IKBKG: variants seen among roughly 807,000 people sequenced by gnomAD.
IKBKG encodes NF-kappa-B essential modulator.
IKBKG carries 2 observed loss-of-function variants against 13.7 expected under a neutral mutation model. The observed-to-expected ratio is 0.15, with a 90% CI of 0.06 to 0.46. The LOEUF (loss-of-function observed/expected upper bound fraction) is 0.46, where lower values mean the gene tolerates loss of function less well. Ranked by LOEUF, IKBKG falls within the 20% of genes least tolerant of loss-of-function variation. IKBKG has a pLI of 0.98. For missense variants in IKBKG, 53 were observed against 150.3 expected, an observed-to-expected ratio of 0.35 and a Z score of 3.39; for synonymous variants, 22 against 64.4, an observed-to-expected ratio of 0.34 and a Z score of 3.15.
intron 1 of IKBKG, chrX:154,542,196 C>A (rs1019890582): frequency 1.5e-6 from 1 of 687,025 alleles, no homozygotes; most frequent in Non-Finnish European, 2.2e-6. Flanking sequence ...AAAGGGGAGG[C>A]GGGGGCCGCT....
chrX:154,542,166 A>G, intron 1 of IKBKG: 1 of 541,664 alleles, frequency 1.8e-6, no homozygotes, highest in Non-Finnish European at 3.0e-6. Context: ...TGGGGAAGTC[A>G]GCCCAGAAAT....
intron 2 of IKBKG, among the ~76,000 whole-genome samples, chrX:154,552,898 AC>A (rs2070972835): frequency 9.1e-6 from 1 of 110,082 alleles, no homozygotes; most frequent in Non-Finnish European, 1.9e-5. Context: ...GCGTGATGGC[AC>A]CCCCAGCCCC....
At chrX:154,546,105 C>T (rs1557233193), upstream of IKBKG, 2 of 1,211,789 alleles carry the variant, frequency 1.7e-6, no homozygotes, top group South Asian at 1.8e-5. Flanking sequence ...AAAGCTCTTC[C>T]CGCAGGATCC....
intron 1 of IKBKG, among the ~76,000 whole-genome samples, chrX:154,551,566 T>C (rs1232002245): frequency 8.9e-6 from 1 of 111,847 alleles, no homozygotes; most frequent in Admixed American, 9.5e-5. Context: ...CCGAATCACA[T>C]ATGTTTCAGG....
chrX:154,555,370 T>A (rs2071033706), intron 2 of IKBKG, among the ~76,000 whole-genome samples: 1 of 111,566 alleles, frequency 9.0e-6, no homozygotes, highest in Non-Finnish European at 1.9e-5. Context: ...CAGGCACACC[T>A]CAGACTGACC....
chrX:154,552,145 C>T lies in IKBKG; in HGVS notation c.143C>T (p.Pro48Leu), dbSNP rs782087958. ...MLHLPSEQGA[P>L]ETLQRCLEEN... ...CACCTGCCTTCAGAACAGGGCGCTC[C>T]TGAGACCCTCCAGCGCTGCCTGGAG... Residue 48 changes from proline (P) to leucine (L), a missense_variant, in exon 2 of 10, where the codon CCT becomes CTT. By Grantham distance (98) the Pro-to-Leu change is moderately conservative. Around this residue, in one of 3 missense-constraint regions of IKBKG, gnomAD observed 47 missense variants for 50.0 expected, o/e 0.94. Coordinates refer to ENST00000594239, the MANE Select transcript of IKBKG (RefSeq NM_001099857.5). The T allele has an allele frequency of 3.1e-5, 37 of 1,191,548 alleles. No individual in the cohort carries two copies. Among genetic ancestry groups the T allele is most frequent in the Non-Finnish European group, 6.8e-6 (6 of 882,924 alleles).
At chrX:154,542,171 A>T in intron 1 of IKBKG, 1 of 567,094 alleles carries the variant, frequency 1.8e-6, no homozygotes, top group Non-Finnish European at 2.9e-6. Flanking sequence ...AAGTCAGCCC[A>T]GAAATGTTCT....
chrX:154,550,168 C>T (rs917527252), intron 1 of IKBKG, among the ~76,000 whole-genome samples: 12 of 109,021 alleles, frequency 1.1e-4, no homozygotes, highest in African/African-American at 4.0e-4. Context: ...ATGTTAATTG[C>T]TCAGTGTGAT....
intron 1 of IKBKG, 38 bp from the exon 2 acceptor site, chrX:154,551,950 G>A (rs2070944112): frequency 1.0e-6 from 1 of 993,245 alleles, no homozygotes; most frequent in Non-Finnish European, 1.3e-6. Context: ...GTAAGGATGT[G>A]GGTCTCCTGT....
At chrX:154,544,124 G>C (rs782806405), upstream of IKBKG, among the ~76,000 whole-genome samples, 3 of 109,759 alleles carry the variant, frequency 2.7e-5, no homozygotes, top group East Asian at 8.6e-4. Flanking sequence ...GCCTCCCAAA[G>C]TGCTGGGATT....
At chrX:154,555,965 T>C (rs2071050659) in intron 2 of IKBKG, among the ~76,000 whole-genome samples, 200 bp from the exon 3 acceptor site, 1 of 113,608 alleles carries the variant, frequency 8.8e-6, no homozygotes, top group Non-Finnish European at 1.9e-5. Flanking sequence ...ATTTTGGAAG[T>C]GTTTAAAGAA....
intron 2 of IKBKG, 43 bp downstream of exon 2, chrX:154,552,232 C>T (rs782449420): frequency 7.4e-6 from 8 of 1,081,801 alleles, no homozygotes; most frequent in African/African-American, 5.5e-5. Flanking sequence ...GAGGGGAAGG[C>T]GTCTTCTCCC....
chrX:154,542,733 G>A (rs781861647), upstream of IKBKG, among the ~76,000 whole-genome samples: 5 of 111,983 alleles, frequency 4.5e-5, no homozygotes, highest in South Asian at 1.5e-3. Context: ...TCGGGGCTCC[G>A]GGCATTTGCT....
intron 1 of IKBKG, among the ~76,000 whole-genome samples, chrX:154,548,864 C>G (rs906106921): frequency 9.0e-6 from 1 of 111,608 alleles, no homozygotes; most frequent in Non-Finnish European, 1.9e-5. Flanking sequence ...CTGCGCTCGG[C>G]CAGTATAGTA....
At chrX:154,547,963 G>A (rs1462016334) in intron 1 of IKBKG, 27 of 753,646 alleles carry the variant, frequency 3.6e-5, no homozygotes, top group Non-Finnish European at 4.2e-5. Context: ...CCACTGCGGG[G>A]TCTGACCCTA....
upstream of IKBKG, chrX:154,542,526 T>G: frequency 9.2e-7 from 1 of 1,090,752 alleles, no homozygotes; most frequent in Non-Finnish European, 1.2e-6. Flanking sequence ...TTGGTAACTC[T>G]GAGGTGCCAT....
chrX:154,549,955 C>T (rs782532256), intron 1 of IKBKG, among the ~76,000 whole-genome samples: 1 of 111,708 alleles, frequency 9.0e-6, no homozygotes, highest in Middle Eastern at 4.2e-3. Context: ...GGGTTGTTTC[C>T]ACTCTCTGGC....
At chrX:154,555,827 A>C (rs2071046693) in intron 2 of IKBKG, among the ~76,000 whole-genome samples, 1 of 112,294 alleles carries the variant, frequency 8.9e-6, no homozygotes, top group South Asian at 3.7e-4. Context: ...TGATCCACCC[A>C]CCTTGGCCTC....
chrX:154,549,223 C>G (rs985322828), intron 1 of IKBKG, among the ~76,000 whole-genome samples: 2 of 107,394 alleles, frequency 1.9e-5, no homozygotes, highest in Non-Finnish European at 3.9e-5. Flanking sequence ...CCTTGTCATC[C>G]GCCCGCCTCG....
Sources: gnomAD v4.1 joint callset for allele counts (sites outside exome capture counted in the v4.1 genomes callset) on GRCh38, gnomAD v4.1.1 for gene constraint, gnomAD v4.1.1 regional missense constraint, MANE v1.5 for transcripts, NCBI Gene and HGNC (gene_info 2026-07-23, HGNC 2026-07-21) for gene names.